The following ZNF676 variants were observed in gnomAD, a reference collection of about 807,000 sequenced individuals.
ZNF676 encodes the protein zinc finger protein 676.
In ZNF676, 4 loss-of-function variants were observed where a neutral mutation model predicts 6.0. The observed-to-expected ratio is 0.67, with a 90% confidence interval of 0.33 to 1.53. The LOEUF (loss-of-function observed/expected upper bound fraction) is 1.53, where lower values mean the gene tolerates loss of function less well. ZNF676 is among the 40% of genes most tolerant of loss of function. The pLI, the probability that ZNF676 is intolerant of heterozygous loss-of-function variation, is 0.06. For synonymous variants in ZNF676, 198 were observed against 223.1 expected, an observed-to-expected ratio of 0.89 and a Z score of 1.00; for missense variants, 644 against 679.7, an observed-to-expected ratio of 0.95 and a Z score of 0.58.
the ZNF676 span, among the ~76,000 whole-genome samples, chr19:22,226,097 T>C: frequency 6.6e-6 from 1 of 152,088 alleles, no homozygotes; most frequent in East Asian, 1.9e-4. Flanking sequence ...TAAATTTTTT[T>C]GTCTATGGTT....
chr19:22,225,988 A>G, the ZNF676 span, among the ~76,000 whole-genome samples: 1 of 152,020 alleles, frequency 6.6e-6, no homozygotes, highest in Admixed American at 6.6e-5. Context: ...TATGCGTTTA[A>G]TGTCATCTAA....
At chr19:22,211,236 C>G (rs1363577970) in intron 1 of ZNF676, among the ~76,000 whole-genome samples, 1 of 152,086 alleles carries the variant, frequency 6.6e-6, no homozygotes, top group African/African-American at 2.4e-5. Flanking sequence ...TGTGGGGCCC[C>G]AGCTTTCCAG....
chr19:22,253,404 G>GTGTATATATATATATATATATATA, the ZNF676 span, among the ~76,000 whole-genome samples: 1 of 97,014 alleles, frequency 1.0e-5, no homozygotes, highest in Non-Finnish European at 2.0e-5. Flanking sequence ...ATGATAATGT[G>GTGTATATATATATATATATATATA]TATATATATA....
chr19:22,215,538 A>T, intron 1 of ZNF676: 1 of 1,436,694 alleles, frequency 7.0e-7, no homozygotes, highest in South Asian at 1.2e-5. Context: ...TGTGGAGCTG[A>T]CTGCGGGTAG....
chr19:22,190,657 A>ATATATGTTGAATTCTATTTTAT (rs1367115867), intron 2 of ZNF676, among the ~76,000 whole-genome samples: 1 of 125,046 alleles, frequency 8.0e-6, no homozygotes. Context: ...ATATATATAT[A>ATATATGTTGAATTCTATTTTAT]TATATATACA....
chr19:22,241,762 G>A, the ZNF676 span, among the ~76,000 whole-genome samples: 6 of 151,916 alleles, frequency 3.9e-5, no homozygotes, highest in East Asian at 1.9e-4. Context: ...GACCTGCTCC[G>A]GAGAGGAGAT....
At chr19:22,218,698 C>G (rs1201580771), upstream of ZNF676, among the ~76,000 whole-genome samples, 1 of 152,098 alleles carries the variant, frequency 6.6e-6, no homozygotes, top group Non-Finnish European at 1.5e-5. Flanking sequence ...CAGTACCATT[C>G]TATTCAATAG....
chr19:22,236,708 TCTTTTTTCC>T, the ZNF676 span, among the ~76,000 whole-genome samples: 1 of 152,216 alleles, frequency 6.6e-6, no homozygotes, highest in East Asian at 1.9e-4. Context: ...TTAAAATTAG[TCTTTTTTCC>T]ATTTGACCTA....
At chr19:22,245,603 G>A in the ZNF676 span, among the ~76,000 whole-genome samples, 2 of 149,186 alleles carry the variant, frequency 1.3e-5, no homozygotes, top group South Asian at 2.1e-4. Context: ...AAAAATGCAA[G>A]ACCCAGGCAA....
intron 1 of ZNF676, among the ~76,000 whole-genome samples, chr19:22,208,135 G>A (rs1367200757): frequency 2.0e-5 from 3 of 151,412 alleles, no homozygotes; most frequent in Non-Finnish European, 2.9e-5. Context: ...CACAGCAAAG[G>A]AAACTAGCAA....
upstream of ZNF676, among the ~76,000 whole-genome samples, chr19:22,216,256 G>A (rs1389158872): frequency 6.6e-6 from 1 of 152,146 alleles, no homozygotes; most frequent in African/African-American, 2.4e-5. Context: ...TTGACATGGT[G>A]AAACCCCTTC....
the ZNF676 span, among the ~76,000 whole-genome samples, chr19:22,236,029 C>T: frequency 6.6e-6 from 1 of 151,298 alleles, no homozygotes; most frequent in African/African-American, 2.4e-5. Context: ...CATCTGTCTT[C>T]TGCCAAATGA....
At chr19:22,256,510 C>G in the ZNF676 span, among the ~76,000 whole-genome samples, 37 of 152,074 alleles carry the variant, frequency 2.4e-4, no homozygotes, top group Non-Finnish European at 4.4e-4. Flanking sequence ...GTCAGTAGGC[C>G]CAGCAATATG....
chr19:22,210,752 T>A (rs1325379978), intron 1 of ZNF676, among the ~76,000 whole-genome samples: 1 of 152,218 alleles, frequency 6.6e-6, no homozygotes, highest in Admixed American at 6.5e-5. Flanking sequence ...GTATTTGTCT[T>A]CAGTGGTCAA....
At chr19:22,215,938 C>A (rs1276347666), upstream of ZNF676, among the ~76,000 whole-genome samples, 4 of 152,186 alleles carry the variant, frequency 2.6e-5, no homozygotes, top group African/African-American at 9.6e-5. Flanking sequence ...AGAGAGCCAA[C>A]GTAGGCTGCA....
At chr19:22,230,376 A>G in the ZNF676 span, among the ~76,000 whole-genome samples, 1 of 152,116 alleles carries the variant, frequency 6.6e-6, no homozygotes, top group Non-Finnish European at 1.5e-5. Flanking sequence ...GATGAATAGT[A>G]TTAGAAGAAA....
intron 1 of ZNF676, among the ~76,000 whole-genome samples, chr19:22,211,875 T>C (rs529117257): frequency 1.3e-5 from 2 of 152,112 alleles, no homozygotes; most frequent in South Asian, 2.1e-4. Context: ...AAAAGCTAGA[T>C]GGAATTGTTT....
chr19:22,188,344 T>G (rs1318642708), intron 2 of ZNF676, among the ~76,000 whole-genome samples: 1 of 152,150 alleles, frequency 6.6e-6, no homozygotes, highest in East Asian at 1.9e-4. Context: ...CTAAACTAGG[T>G]AGAGATGGAA....
upstream of ZNF676, among the ~76,000 whole-genome samples, chr19:22,200,691 G>A (rs1329408975): frequency 6.6e-6 from 1 of 151,696 alleles, no homozygotes; most frequent in Non-Finnish European, 1.5e-5. Flanking sequence ...GCTAAAATAT[G>A]TTGGTTTATT....
Sources: allele counts gnomAD v4.1 joint callset (sites outside exome capture counted in the v4.1 genomes callset), GRCh38; gene constraint gnomAD v4.1.1; transcripts MANE v1.5; gene names NCBI Gene and HGNC (gene_info 2026-07-23, HGNC 2026-07-21).